Variants in PCDHGA3 observed in about 807,000 individuals in gnomAD.
PCDHGA3 encodes protocadherin gamma-A3.
A neutral mutation model predicts 58.5 loss-of-function variants in PCDHGA3; 40 were observed. The ratio of observed to expected loss-of-function variants is 0.68; its 90% CI spans 0.53 to 0.89. The LOEUF is 0.89. Ranked by LOEUF, PCDHGA3 falls within the 40% of genes least tolerant of loss-of-function variation. The pLI, the probability that PCDHGA3 is intolerant of heterozygous loss-of-function variation, is 0.00. For missense variants in PCDHGA3, 1,223 were observed against 1,195.9 expected, an observed-to-expected ratio of 1.02 and a Z score of -0.33; for synonymous variants, 530 against 525.7, an observed-to-expected ratio of 1.01 and a Z score of -0.11.
rs1292747996 is a variant in PCDHGA3, at chr5:141,475,972, T to C, written c.2425-18835T>C. 2.0e-5 allele frequency: 19 copies of C among 963,712 alleles called. No individual in the cohort carries two copies. In the East Asian group the frequency reaches 3.4e-4, roughly 17 times the overall value. The allele number at this position is 963,712 out of a possible 1,614,324, so 59.7% of individuals were successfully genotyped here. A position where few individuals can be genotyped will look rare whatever the true frequency, so the allele number is the denominator to read the frequency against. ...CTGCGCCCCGGGATGAGGCAGAGAC[T>C]GAACAGCCGGCGAGCAAATCAACGG... On this transcript the variant is annotated intron_variant, in intron 1 of 3. Transcript: ENST00000253812.
intron 1 of PCDHGA3, chr5:141,394,196 C>G (rs760903381): frequency 2.7e-5 from 44 of 1,613,792 alleles, no homozygotes; most frequent in African/African-American, 4.0e-5. Flanking sequence ...CAGCGTATAT[C>G]CTAGAGAACA....
intron 1 of PCDHGA3, among the ~76,000 whole-genome samples, chr5:141,465,137 GGGGA>G (rs2099097662): frequency 2.0e-5 from 3 of 151,520 alleles, no homozygotes; most frequent in Non-Finnish European, 4.4e-5. Context: ...AAAAAGTTTA[GGGGA>G]TATATGAAGG....
chr5:141,483,007 C>G (rs938404755), intron 1 of PCDHGA3, among the ~76,000 whole-genome samples: 1 of 152,140 alleles, frequency 6.6e-6, no homozygotes, highest in South Asian at 2.1e-4. Flanking sequence ...ATTGCTTGAA[C>G]CCGGGAGGCA....
chr5:141,418,339 T>G (rs779598961), intron 1 of PCDHGA3: 2 of 1,614,012 alleles, frequency 1.2e-6, no homozygotes, highest in Non-Finnish European at 1.7e-6. Context: ...CAGAAGATCC[T>G]GATATTAGTA....
At chr5:141,482,667 G>C (rs2099569914) in intron 1 of PCDHGA3, among the ~76,000 whole-genome samples, 1 of 151,094 alleles carries the variant, frequency 6.6e-6, no homozygotes, top group Admixed American at 6.6e-5. Context: ...ATGATCTAAA[G>C]GTTGAGTAGT....
chr5:141,501,509 C>T lies in PCDHGA3; in HGVS notation c.2484-3884C>T, dbSNP rs1046763108. 4.6e-5 allele frequency among the ~76,000 whole-genome samples: 7 copies of T among 152,080 alleles called. No individual in the cohort carries two copies. The South Asian group carries it at 6.2e-4, about 14-fold the overall frequency. On this transcript the variant is annotated intron_variant, in intron 2 of 3. Transcript: ENST00000253812. The stretch of plus-strand genomic sequence containing the variant: ...ATATCTGCTGCTGGGGCTCCAAGGC[C>T]TCCAAGCTGAAGCCCAGTACGTTGT...
At chr5:141,410,847 G>GTTTTT (rs773839667) in intron 1 of PCDHGA3, 12 of 158,330 alleles carry the variant, frequency 7.6e-5, no homozygotes, top group African/African-American at 2.5e-4. Flanking sequence ...TTTTGTCTTT[G>GTTTTT]TCTTTTTTTT....
chr5:141,386,595 AT>A (rs373179212), intron 1 of PCDHGA3, among the ~76,000 whole-genome samples: 3,552 of 145,572 alleles, frequency 0.024, 119 homozygotes, highest in African/African-American at 0.079. Flanking sequence ...TGGGGGATAC[AT>A]TTTTTTTTTT....
At chr5:141,380,251 G>C (rs1158039296) in intron 1 of PCDHGA3, among the ~76,000 whole-genome samples, 1 of 152,122 alleles carries the variant, frequency 6.6e-6, no homozygotes, top group Non-Finnish European at 1.5e-5. Context: ...AATTGTCAAA[G>C]GGGAAGGAGT....
At chr5:141,455,661 T>TG (rs2098828692) in intron 1 of PCDHGA3, among the ~76,000 whole-genome samples, 1 of 152,024 alleles carries the variant, frequency 6.6e-6, no homozygotes, top group South Asian at 2.1e-4. Context: ...CAGGAACTTG[T>TG]GGGGCAAGGG....
Position 141,415,578 on chromosome 5 carries a change from G to A in PCDHGA3, c.2424+69121G>A, listed in dbSNP as rs372519745. On this transcript the variant is annotated intron_variant, in intron 1 of 3. Transcript: ENST00000253812. ...ATCCTTTGTCTTTGTTAGATGATTCGAAGTTTCCTATAGAGGATACCCCAT... is the reference window on the plus strand; with the variant it reads ...ATCCTTTGTCTTTGTTAGATGATTCAAAGTTTCCTATAGAGGATACCCCAT... 678 of 1,613,890 alleles carry A rather than the reference G, an allele frequency of 4.2e-4. 10 individuals are homozygous for A. In the South Asian group the frequency reaches 6.8e-3, roughly 16 times the overall value.
intron 1 of PCDHGA3, chr5:141,424,706 T>G (rs752721357): frequency 4.6e-5 from 7 of 152,190 alleles, no homozygotes; most frequent in Non-Finnish European, 8.8e-5. Context: ...TTTGTTCATT[T>G]TCAGTGTAGT....
At chr5:141,370,466 G>A in intron 1 of PCDHGA3, 1 of 1,613,220 alleles carries the variant, frequency 6.2e-7, no homozygotes, top group Non-Finnish European at 8.5e-7. Flanking sequence ...TGCTCTCTTT[G>A]TTAGACCAGG....
At chr5:141,418,732 G>A (rs747081573) in intron 1 of PCDHGA3, 1 of 1,613,994 alleles carries the variant, frequency 6.2e-7, no homozygotes, top group Non-Finnish European at 8.5e-7. Flanking sequence ...CTCAGCACGT[G>A]TTCTCTCTGG....
At chr5:141,369,792 G>C (rs1166011408) in intron 1 of PCDHGA3, among the ~76,000 whole-genome samples, 1 of 152,158 alleles carries the variant, frequency 6.6e-6, no homozygotes, top group Non-Finnish European at 1.5e-5. Context: ...TTTATACTAC[G>C]TCTTCTGCCA....
chr5:141,483,303 T>A (rs1222660132), intron 1 of PCDHGA3, among the ~76,000 whole-genome samples: 1 of 152,146 alleles, frequency 6.6e-6, no homozygotes, highest in Non-Finnish European at 1.5e-5. Context: ...GTGAAGGGAC[T>A]GGGGACATTG....
chr5:141,365,043 A>G (rs1264854717), intron 1 of PCDHGA3: 5 of 1,613,814 alleles, frequency 3.1e-6, no homozygotes, highest in Non-Finnish European at 4.2e-6. Flanking sequence ...GCAAACGACA[A>G]TGCGCCCCTG....
chr5:141,384,995 C>T (rs1485778293), intron 1 of PCDHGA3: 2 of 1,614,034 alleles, frequency 1.2e-6, no homozygotes, highest in African/African-American at 1.3e-5. Context: ...GCGGTGGCCA[C>T]AGTCTCCTGC....
At chr5:141,353,092 G>A (rs377333833) in intron 1 of PCDHGA3, among the ~76,000 whole-genome samples, 1 of 152,080 alleles carries the variant, frequency 6.6e-6, no homozygotes, top group Admixed American at 6.5e-5. Flanking sequence ...CTGCGGGAGG[G>A]GGTACTAGAT....
Sources: allele counts gnomAD v4.1 joint callset (sites outside exome capture counted in the v4.1 genomes callset), GRCh38; gene constraint gnomAD v4.1.1; transcripts MANE v1.5; gene names NCBI Gene and HGNC (gene_info 2026-07-23, HGNC 2026-07-21).